Variants in HHAT observed in about 807,000 individuals in gnomAD.
The protein encoded by HHAT is protein-cysteine N-palmitoyltransferase HHAT.
Under a neutral mutation model 70.8 loss-of-function variants are expected in HHAT, and 47 were observed. The observed-to-expected ratio is 0.66, with a 90% confidence interval of 0.53 to 0.85. HHAT has a LOEUF of 0.85. HHAT is among the 40% of genes least tolerant of loss of function. HHAT has a pLI of 0.00. For synonymous variants in HHAT, 228 were observed against 247.6 expected (o/e 0.92, Z 0.74); for missense variants, 609 against 604.8 (o/e 1.01, Z -0.07).
intron 9 of HHAT, among the ~76,000 whole-genome samples, chr1:210,586,733 C>G (rs1015059602): frequency 1.3e-5 from 2 of 152,120 alleles, no homozygotes; most frequent in African/African-American, 4.8e-5. Context: ...AAGCACTGAT[C>G]AGCAATAAAG....
chr1:210,428,286 C>CTA (rs66516721), intron 7 of HHAT, among the ~76,000 whole-genome samples: 11 of 101,510 alleles, frequency 1.1e-4, no homozygotes, highest in Non-Finnish European at 1.5e-4. Context: ...TGAGCTTATA[C>CTA]TATATATATA....
At chr1:210,540,636 A>AT (rs34401666) in intron 9 of HHAT, among the ~76,000 whole-genome samples, 66,426 of 147,524 alleles carry the variant, frequency 0.45, 15,435 homozygotes, top group Non-Finnish European at 0.52. Flanking sequence ...GTAGTTATTG[A>AT]TTTTTTTTTT....
chr1:210,509,739 C>G (rs2094922801), intron 8 of HHAT, among the ~76,000 whole-genome samples: 1 of 152,182 alleles, frequency 6.6e-6, no homozygotes, highest in Admixed American at 6.5e-5. Flanking sequence ...GAAACTATAA[C>G]CCTTTACTCT....
chr1:210,473,660 A>G (rs1001233350), intron 8 of HHAT, among the ~76,000 whole-genome samples: 1 of 152,198 alleles, frequency 6.6e-6, no homozygotes, highest in Non-Finnish European at 1.5e-5. Context: ...CCTGCTGCCC[A>G]CAAAGACTTA....
At chr1:210,483,789 A>G (rs1224488912) in intron 8 of HHAT, among the ~76,000 whole-genome samples, 1 of 152,180 alleles carries the variant, frequency 6.6e-6, no homozygotes, top group Non-Finnish European at 1.5e-5. Context: ...TTGAAAGTTC[A>G]GTTGGAAAGG....
chr1:210,549,608 G>A (rs2095511895), intron 9 of HHAT, among the ~76,000 whole-genome samples: 1 of 148,884 alleles, frequency 6.7e-6, no homozygotes, highest in Non-Finnish European at 1.5e-5. Context: ...CATTTACTTG[G>A]AAGAGTTGTG....
At chr1:210,651,892 G>T (rs541398449) in intron 11 of HHAT, among the ~76,000 whole-genome samples, 1 of 152,198 alleles carries the variant, frequency 6.6e-6, no homozygotes, top group Non-Finnish European at 1.5e-5. Context: ...CCAGGAAAGG[G>T]GCTAATGGAG....
At position 210,656,838 on chromosome 1, in the gene HHAT, A is replaced by T. The variant is rs552633938; in HGVS notation, c.1391-17450A>T. ...GTGATGCCTCTTCCTGGTGCCCAGG[A>T]CCCCCTAAATGCCCTGTGCTTCCAA... On this transcript the variant is annotated intron_variant, in intron 11 of 11. Coordinates refer to ENST00000261458, the MANE Select transcript of HHAT (RefSeq NM_018194.6). 2.6e-5 allele frequency among the ~76,000 whole-genome samples: 4 copies of T among 151,790 alleles called. 1 individual carries two copies. In the East Asian group the frequency reaches 7.8e-4, roughly 30 times the overall value.
chr1:210,426,115 G>T (rs576253269), intron 7 of HHAT, among the ~76,000 whole-genome samples: 2 of 152,166 alleles, frequency 1.3e-5, no homozygotes, highest in Non-Finnish European at 2.9e-5. Context: ...GTTGTGAATG[G>T]TAATTTGTTG....
chr1:210,520,456 C>T (rs76291900), intron 9 of HHAT, among the ~76,000 whole-genome samples: 10 of 151,362 alleles, frequency 6.6e-5, no homozygotes, highest in African/African-American at 9.7e-5. Flanking sequence ...CACTTTTTTT[C>T]GCTCTGGTTT....
At chr1:210,644,055 A>T (rs1285068208) in intron 11 of HHAT, among the ~76,000 whole-genome samples, 1 of 152,134 alleles carries the variant, frequency 6.6e-6, no homozygotes, top group Non-Finnish European at 1.5e-5. Context: ...TACTTTGCAG[A>T]AGCCATAGAA....
At position 210,668,779 on chromosome 1, in the gene HHAT, T is replaced by A. The variant is rs73065542; in HGVS notation, c.1391-5509T>A. On this transcript the variant is annotated intron_variant, in intron 11 of 11. Transcript: ENST00000261458. ...CATATTACCTTTTATTTATTTATTT[T>A]TTTTATTTTTCTGAGACGGAGTCTC... Among the ~76,000 whole-genome samples the A allele has an allele frequency of 9.1e-3, 1,381 of 152,276 alleles. 22 individuals carry two copies. Among genetic ancestry groups the A allele is most frequent in the African/African-American group, 0.031 (1,301 of 41,538 alleles).
At chr1:210,575,315 A>G (rs1364399400) in intron 9 of HHAT, among the ~76,000 whole-genome samples, 2 of 152,148 alleles carry the variant, frequency 1.3e-5, no homozygotes, top group East Asian at 3.9e-4. Flanking sequence ...AAAGGTGGGA[A>G]GACAGGCAGG....
At chr1:210,402,779 G>A (rs977756296) in intron 5 of HHAT, among the ~76,000 whole-genome samples, 2 of 152,170 alleles carry the variant, frequency 1.3e-5, no homozygotes, top group African/African-American at 4.8e-5. Flanking sequence ...AACTCCTGTG[G>A]TATCTTTTTA....
intron 8 of HHAT, among the ~76,000 whole-genome samples, chr1:210,499,993 A>T (rs545081271): frequency 6.6e-6 from 1 of 152,340 alleles, no homozygotes; most frequent in South Asian, 2.1e-4. Context: ...AGATATAATG[A>T]CTGTTGTCTT....
At chr1:210,583,636 A>G (rs1659748343) in intron 9 of HHAT, among the ~76,000 whole-genome samples, 2 of 152,196 alleles carry the variant, frequency 1.3e-5, no homozygotes, top group Admixed American at 1.3e-4. Flanking sequence ...TTTATCTTCC[A>G]GTCTTGAAGC....
At chr1:210,625,730 G>T (rs1669711260) in intron 11 of HHAT, among the ~76,000 whole-genome samples, 1 of 152,206 alleles carries the variant, frequency 6.6e-6, no homozygotes, top group South Asian at 2.1e-4. Context: ...TTGTTTCTCT[G>T]ACAGTTCAAT....
intron 11 of HHAT, among the ~76,000 whole-genome samples, chr1:210,652,576 A>C (rs566117808): frequency 3.9e-4 from 60 of 152,268 alleles, no homozygotes; most frequent in Non-Finnish European, 7.5e-4. Flanking sequence ...CTGCCTATGG[A>C]GGCTCCCGCA....
rs561611610 is a variant in HHAT at position 210,373,817 on chromosome 1, T to C, written c.159+10898T>C. Among the ~76,000 whole-genome samples the C allele has an allele frequency of 7.9e-5, 12 of 152,316 alleles. No individual in the cohort carries two copies. The South Asian group carries it at 2.5e-3, about 32-fold the overall frequency. On this transcript the variant is annotated intron_variant, in intron 3 of 11. Transcript: ENST00000261458. ...AATGTTATCTAGAGAAGGATGGATT[T>C]GGGGCTTTTTTGCAGACAGGCAACC...
Sources: gnomAD v4.1 joint callset for allele counts (sites outside exome capture counted in the v4.1 genomes callset) on GRCh38, gnomAD v4.1.1 for gene constraint, MANE v1.5 for transcripts, NCBI Gene and HGNC (gene_info 2026-07-23, HGNC 2026-07-21) for gene names.